The following NEK11 variants were observed in gnomAD, a reference collection of about 807,000 sequenced individuals.
NEK11 encodes NIMA related kinase 11.
Under a neutral mutation model 80.7 loss-of-function variants are expected in NEK11, and 72 were observed. That is an observed-to-expected ratio of 0.89 (90% CI 0.74 to 1.08). The LOEUF is 1.08. Ranked by LOEUF, NEK11 falls within the 50% of genes least tolerant of loss-of-function variation. The pLI, the probability that NEK11 is intolerant of heterozygous loss-of-function variation, is 0.00. For missense variants in NEK11, 764 were observed against 763.6 expected (o/e 1.00, Z -0.01); for synonymous variants, 251 against 260.7 (o/e 0.96, Z 0.36).
At chr3:131,263,395 C>T (rs1280344575) in intron 16 of NEK11, among the ~76,000 whole-genome samples, 1 of 152,142 alleles carries the variant, frequency 6.6e-6, no homozygotes, top group Non-Finnish European at 1.5e-5. Flanking sequence ...GGTATTATTT[C>T]TGAGGGCTCT....
In NEK11 at chr3:131,161,127, G is replaced by A. The variant is rs375343551; in HGVS notation, c.963-1281G>A. Among the ~76,000 whole-genome samples the A allele has an allele frequency of 8.5e-5, 12 of 140,760 alleles. No individual in the cohort carries two copies. The South Asian group carries it at 9.0e-4, about 11-fold the overall frequency. 92.3% of individuals were successfully genotyped at this position (140,760 alleles called of 152,430 possible). A position where few individuals can be genotyped will look rare whatever the true frequency, so the allele number is the denominator to read the frequency against. On this transcript the variant is annotated intron_variant, in intron 10 of 17. Coordinates refer to ENST00000383366, the MANE Select transcript of NEK11 (RefSeq NM_024800.5). Reference sequence around the variant, plus strand: ...AATCGTGCCACCGCACTGCAGCCTGGCAACAGAGCAAGACTCCATCTCAAA... The same window carrying A: ...AATCGTGCCACCGCACTGCAGCCTGACAACAGAGCAAGACTCCATCTCAAA...
Position 131,349,955 on chromosome 3 carries a change from T to C in NEK11, c.*179T>C, listed in dbSNP as rs954609639. 8 of 600,414 alleles carry C rather than the reference T, an allele frequency of 1.3e-5. No homozygotes were observed. The African/African-American group carries it at 1.5e-4, about 11-fold the overall frequency. The allele number at this position is 600,414 out of a possible 1,614,324, so 37.2% of individuals were successfully genotyped here. A position where few individuals can be genotyped will look rare whatever the true frequency, so the allele number is the denominator to read the frequency against. On this transcript the variant is annotated 3_prime_UTR_variant, in exon 18 of 18. Transcript: ENST00000383366. ...GAGTAGTAAGCATGGCTGCCTATGC[T>C]TGGAGTCATAAGTGTTATTTGGACT...
chr3:131,202,629 A>G (rs964474632), intron 14 of NEK11, among the ~76,000 whole-genome samples: 4 of 152,224 alleles, frequency 2.6e-5, no homozygotes, highest in Non-Finnish European at 5.9e-5. Flanking sequence ...CTACCATCAG[A>G]GTGAACAGGC....
At chr3:131,232,229 G>A (rs1381825195) in intron 15 of NEK11, among the ~76,000 whole-genome samples, 3 of 152,126 alleles carry the variant, frequency 2.0e-5, no homozygotes, top group Admixed American at 6.6e-5. Flanking sequence ...TATAGCTGCC[G>A]TCATAACAGG....
Position 131,028,523 on chromosome 3 carries a change from T to TA in NEK11, c.-97+522dup, listed in dbSNP as rs770413936. ...AATAAAAGTGATTTTACTTTGTACC[T>TA]ACTCATATGAAACAGTCCTGCCTTT... On this transcript the variant is annotated intron_variant, in intron 2 of 17. Transcript: ENST00000383366. 1.2e-4 allele frequency among the ~76,000 whole-genome samples: 19 copies of TA among 152,284 alleles called. No individual in the cohort carries two copies. In the East Asian group the frequency reaches 3.5e-3, roughly 28 times the overall value.
intron 3 of NEK11, among the ~76,000 whole-genome samples, chr3:131,048,254 C>T (rs139093660): frequency 2.4e-3 from 362 of 152,318 alleles, no homozygotes; most frequent in African/African-American, 8.4e-3. Context: ...CCCCACCTGC[C>T]GCAGCTTCTG....
intron 4 of NEK11, among the ~76,000 whole-genome samples, chr3:131,090,144 A>G (rs2076524833): frequency 6.6e-6 from 1 of 152,194 alleles, no homozygotes; most frequent in Admixed American, 6.5e-5. Context: ...TCCTTTTAGG[A>G]TTTAAAATTT....
Position 131,238,954 on chromosome 3 carries a change from G to A in NEK11, c.1561-4482G>A, listed in dbSNP as rs568439525. Among the ~76,000 whole-genome samples, 3 of 152,078 alleles carry A rather than the reference G, an allele frequency of 2.0e-5. No homozygotes were observed. In the East Asian group the frequency reaches 5.8e-4, roughly 29 times the overall value. ...ATCATTAATAATTACATCAAAAAAA[G>A]AAAAACTACAAAAAAACTACAACAG... On this transcript the variant is annotated intron_variant, in intron 15 of 17. Coordinates refer to ENST00000383366, the MANE Select transcript of NEK11 (RefSeq NM_024800.5).
intron 14 of NEK11, among the ~76,000 whole-genome samples, chr3:131,174,582 A>G (rs1308236792): frequency 2.0e-5 from 3 of 152,328 alleles, no homozygotes; most frequent in East Asian, 1.9e-4. Context: ...TTAGTTGACT[A>G]TAGCTGATTT....
chr3:131,304,938 C>G (rs929812882), intron 17 of NEK11, among the ~76,000 whole-genome samples: 12 of 151,976 alleles, frequency 7.9e-5, no homozygotes, highest in Non-Finnish European at 1.3e-4. Context: ...CATTCCTGCA[C>G]CCACTCGTGC....
chr3:131,218,096 T>A (rs2094902912), intron 14 of NEK11, among the ~76,000 whole-genome samples: 1 of 152,252 alleles, frequency 6.6e-6, no homozygotes, highest in Non-Finnish European at 1.5e-5. Context: ...GGCACCTGAC[T>A]ATTTTTCTTT....
intron 14 of NEK11, among the ~76,000 whole-genome samples, chr3:131,207,355 G>A (rs1018546859): frequency 5.3e-5 from 8 of 152,110 alleles, no homozygotes; most frequent in Non-Finnish European, 1.0e-4. Flanking sequence ...AGGCTGAGGC[G>A]GGTGGATCAC....
At chr3:131,040,297 A>T (rs1332947943) in intron 3 of NEK11, among the ~76,000 whole-genome samples, 1 of 146,874 alleles carries the variant, frequency 6.8e-6, no homozygotes, top group African/African-American at 2.5e-5. Flanking sequence ...GGGTAGTTAT[A>T]TGAAAAAAAA....
intron 17 of NEK11, among the ~76,000 whole-genome samples, chr3:131,346,705 TATC>T (rs1175770712): frequency 1.3e-5 from 2 of 152,100 alleles, no homozygotes; most frequent in Non-Finnish European, 2.9e-5. Flanking sequence ...GAGTAATTAT[TATC>T]ATGGGGGTAG....
chr3:131,334,788 T>A (rs1204445574), intron 17 of NEK11, among the ~76,000 whole-genome samples: 1 of 152,034 alleles, frequency 6.6e-6, no homozygotes, highest in Admixed American at 6.6e-5. Context: ...AAAGGGGATA[T>A]CACCACTGAT....
intron 17 of NEK11, among the ~76,000 whole-genome samples, chr3:131,336,506 A>G (rs1465115844): frequency 6.6e-6 from 1 of 152,246 alleles, no homozygotes. Flanking sequence ...ACCTGAAACC[A>G]TAAAAACCCT....
At chr3:131,146,145 C>T (rs1490224920) in intron 7 of NEK11, among the ~76,000 whole-genome samples, 2 of 152,018 alleles carry the variant, frequency 1.3e-5, no homozygotes, top group Admixed American at 1.3e-4. Context: ...TAATCTTGTC[C>T]TCAAGGAGAC....
Position 131,220,558 on chromosome 3 carries a change from C to T in NEK11, c.1400-7970C>T, listed in dbSNP as rs549620526. 4.1e-4 allele frequency among the ~76,000 whole-genome samples: 62 copies of T among 152,206 alleles called. 1 individual carries two copies. In the South Asian group the frequency reaches 0.013, roughly 31 times the overall value. ...TAAATCAGTTTGTTCTTATTAGAGC[C>T]TTATAATAGCCTTGTTCAGTATTTT... On this transcript the variant is annotated intron_variant, in intron 14 of 17. Transcript: ENST00000383366.
intron 3 of NEK11, among the ~76,000 whole-genome samples, chr3:131,074,195 AG>A (rs1235795476): frequency 2.0e-5 from 3 of 152,126 alleles, no homozygotes; most frequent in Non-Finnish European, 4.4e-5. Context: ...TTCGCCTTCT[AG>A]GGGACCCAAA....
Sources: gnomAD v4.1 joint callset for allele counts (sites outside exome capture counted in the v4.1 genomes callset) on GRCh38, gnomAD v4.1.1 for gene constraint, MANE v1.5 for transcripts, NCBI Gene and HGNC (gene_info 2026-07-23, HGNC 2026-07-21) for gene names.